Variants in ACSBG1 observed in about 807,000 individuals in gnomAD.
The protein encoded by ACSBG1 is long-chain-fatty-acid--CoA ligase ACSBG1.
ACSBG1 carries 39 observed loss-of-function variants against 80.2 expected under a neutral mutation model. The observed-to-expected ratio is 0.49, with a 90% confidence interval of 0.38 to 0.64. The LOEUF is 0.64. Ranked by LOEUF, ACSBG1 falls within the 30% of genes least tolerant of loss-of-function variation. The probability of loss-of-function intolerance (pLI) is 0.00; values close to 1 mark genes in which losing one functional copy is unlikely to be tolerated. For missense variants in ACSBG1, 828 were observed against 966.4 expected (o/e 0.86, Z 1.90); for synonymous variants, 392 against 379.5 (o/e 1.03, Z -0.38).
At chr15:78,182,305 G>C (rs2074954820) in intron 7 of ACSBG1, among the ~76,000 whole-genome samples, 160 bp from the exon 8 acceptor site, 1 of 152,096 alleles carries the variant, frequency 6.6e-6, no homozygotes, top group African/African-American at 2.4e-5. Context: ...CCCTTGCTGA[G>C]CTCAGTCTGG....
At chr15:78,208,199 A>C (rs975177848) in intron 1 of ACSBG1, 97 bp from the exon 2 acceptor site, 9 of 858,812 alleles carry the variant, frequency 1.0e-5, no homozygotes, top group Non-Finnish European at 1.7e-5. Context: ...CAGCACCCCC[A>C]GGGGGACACT....
chr15:78,200,708 C>A (rs2075159241), intron 2 of ACSBG1, among the ~76,000 whole-genome samples: 1 of 152,178 alleles, frequency 6.6e-6, no homozygotes, highest in African/African-American at 2.4e-5. Context: ...ATCATGCCTC[C>A]CGCCAAGTCC....
At chr15:78,190,325 C>G (rs1057497594) in intron 5 of ACSBG1, among the ~76,000 whole-genome samples, 2 of 151,690 alleles carry the variant, frequency 1.3e-5, no homozygotes, top group Non-Finnish European at 2.9e-5. Context: ...TGTTATTACT[C>G]TTGATTTCAA....
chr15:78,192,392 C>T lies in ACSBG1; in HGVS notation c.663+1114G>A, dbSNP rs1173182217. 3.9e-5 allele frequency among the ~76,000 whole-genome samples: 6 copies of T among 152,216 alleles called. No individual in the cohort carries two copies. The East Asian group carries it at 1.2e-3, about 29-fold the overall frequency. On this transcript the variant is annotated intron_variant, in intron 5 of 13. Coordinates refer to ENST00000258873, the MANE Select transcript of ACSBG1 (RefSeq NM_015162.5). ...ACCACCTCTGAGTTTAAACCCTGCT[C>T]AGAGGCCTTTGTACGTCTATCCAGG...
chr15:78,185,960 A>C (rs1019222037), intron 5 of ACSBG1, among the ~76,000 whole-genome samples: 1 of 152,232 alleles, frequency 6.6e-6, no homozygotes, highest in Non-Finnish European at 1.5e-5. Flanking sequence ...TTTCAGACAA[A>C]GACAAGCTGA....
chr15:78,196,065 A>G (rs2075111470), intron 2 of ACSBG1, among the ~76,000 whole-genome samples: 1 of 152,174 alleles, frequency 6.6e-6, no homozygotes, highest in African/African-American at 2.4e-5. Flanking sequence ...AACGGGATAC[A>G]TGGCAGCCTG....
chr15:78,191,795 T>C (rs1273100943), intron 5 of ACSBG1, among the ~76,000 whole-genome samples: 2 of 152,114 alleles, frequency 1.3e-5, no homozygotes, highest in Non-Finnish European at 2.9e-5. Flanking sequence ...AGGCGGTGCA[T>C]TATGAAGGAC....
chr15:78,181,714 T>C (rs750302140), intron 8 of ACSBG1, among the ~76,000 whole-genome samples: 9 of 152,226 alleles, frequency 5.9e-5, no homozygotes, highest in Non-Finnish European at 8.8e-5. Context: ...AGGATGGTCT[T>C]GATCTCCTGA....
chr15:78,173,297 G>A (rs1342267389), intron 13 of ACSBG1, among the ~76,000 whole-genome samples: 27 of 126,978 alleles, frequency 2.1e-4, no homozygotes, highest in Non-Finnish European at 3.1e-5. Context: ...GTGAGCCAAG[G>A]TCGTGCCATT....
chr15:78,182,641 A>G, intron 6 of ACSBG1, 26 bp from the exon 7 acceptor site: 1 of 1,613,666 alleles, frequency 6.2e-7, no homozygotes, highest in Non-Finnish European at 8.5e-7. Context: ...GGGAGCAGGC[A>G]GGCTAGGTCA....
intron 2 of ACSBG1, among the ~76,000 whole-genome samples, chr15:78,206,044 C>T (rs1441865434): frequency 6.7e-6 from 1 of 150,180 alleles, no homozygotes; most frequent in African/African-American, 2.4e-5. Flanking sequence ...GACACCAGGG[C>T]TGCAGGACAG....
rs1249438819 is a variant in ACSBG1 at position 78,193,622 on chromosome 15, T to C, written c.547A>G (p.Ile183Val). The stretch of plus-strand genomic sequence containing the variant: ...CTGGTGGTGTAGATGCCAGTGACGA[T>C]GCCACTGTAGGAGACCCAGGAAGAT... ...SAVGTVFAGGIVTGIYTTSSP... is the reference protein window; with the variant it reads ...SAVGTVFAGGVVTGIYTTSSP... Residue 183 changes from isoleucine to valine, a missense_variant, in exon 5 of 14, where the codon ATC becomes GTC. Around this residue, in one of 3 missense-constraint regions of ACSBG1, gnomAD observed 356 missense variants for 363.5 expected, o/e 0.98. Coordinates refer to ENST00000258873, the MANE Select transcript of ACSBG1 (RefSeq NM_015162.5). 6.2e-7 allele frequency: 1 copy of C among 1,611,854 alleles called. No individual in the cohort carries two copies. Among genetic ancestry groups the C allele is most frequent in the South Asian group, 1.1e-5 (1 of 90,704 alleles).
At chr15:78,208,156 C>T in intron 1 of ACSBG1, 54 bp from the exon 2 acceptor site, 1 of 1,453,990 alleles carries the variant, frequency 6.9e-7, no homozygotes, top group Non-Finnish European at 9.5e-7. Flanking sequence ...GGGGACCGGC[C>T]TGGGCTTAGG....
intron 1 of ACSBG1, among the ~76,000 whole-genome samples, chr15:78,215,957 T>G (rs988421349): frequency 1.3e-5 from 2 of 152,188 alleles, no homozygotes; most frequent in Admixed American, 6.5e-5. Context: ...TATGACACTT[T>G]TCAAAGCTCG....
chr15:78,176,804 T>C (rs1295703253), intron 11 of ACSBG1, among the ~76,000 whole-genome samples: 1 of 152,004 alleles, frequency 6.6e-6, no homozygotes, highest in Non-Finnish European at 1.5e-5. Flanking sequence ...GCACCTGTGG[T>C]CCCAGCTACT....
intron 1 of ACSBG1, among the ~76,000 whole-genome samples, chr15:78,225,529 C>T (rs764259037): frequency 3.3e-5 from 5 of 152,028 alleles, no homozygotes; most frequent in Non-Finnish European, 7.4e-5. Flanking sequence ...AAGATACCTA[C>T]ACTGAAAGGT....
intron 11 of ACSBG1, among the ~76,000 whole-genome samples, chr15:78,175,273 C>T (rs553951432): frequency 8.5e-5 from 13 of 152,352 alleles, no homozygotes; most frequent in African/African-American, 2.9e-4. Flanking sequence ...ATAAATTTAA[C>T]GAATGTACAT....
chr15:78,176,099 G>GAT (rs1317717695), intron 11 of ACSBG1, among the ~76,000 whole-genome samples: 3 of 151,874 alleles, frequency 2.0e-5, no homozygotes, highest in Non-Finnish European at 1.5e-5. Flanking sequence ...ATAGAGACAG[G>GAT]ATCTCACTAT....
chr15:78,224,744 G>A (rs1337157807), intron 1 of ACSBG1, among the ~76,000 whole-genome samples: 1 of 152,068 alleles, frequency 6.6e-6, no homozygotes. Context: ...ATTTATTCAG[G>A]CTAAAGACAC....
Sources: allele counts gnomAD v4.1 joint callset (sites outside exome capture counted in the v4.1 genomes callset), GRCh38; gene constraint gnomAD v4.1.1; regional missense constraint gnomAD v4.1.1; transcripts MANE v1.5; gene names NCBI Gene and HGNC (gene_info 2026-07-23, HGNC 2026-07-21).